ZNF536: variants seen among roughly 807,000 people sequenced by gnomAD.
ZNF536 encodes the protein zinc finger protein 536.
ZNF536 carries 13 observed loss-of-function variants against 84.5 expected under a neutral mutation model. The observed-to-expected ratio is 0.15, with a 90% CI of 0.10 to 0.24. ZNF536 has a LOEUF of 0.24. ZNF536 is among the 10% of genes least tolerant of loss of function. The pLI is 1.00. For synonymous variants in ZNF536, 811 were observed against 742.5 expected, an observed-to-expected ratio of 1.09 and a Z score of -1.50; for missense variants, 1,536 against 1,747.5, an observed-to-expected ratio of 0.88 and a Z score of 2.16.
At chr19:30,573,064 A>G (rs891083494) in intron 1 of ZNF536, among the ~76,000 whole-genome samples, 3 of 152,212 alleles carry the variant, frequency 2.0e-5, no homozygotes, top group African/African-American at 7.2e-5. Flanking sequence ...GAGAGGGTAC[A>G]GGAAAGACAA....
chr19:30,490,160 CT>C (rs3837960), intron 2 of ZNF536, among the ~76,000 whole-genome samples: 3,594 of 150,010 alleles, frequency 0.024, 97 homozygotes, highest in East Asian at 0.081. Context: ...CCATTGCTAA[CT>C]TTTTTTTTTA....
intron 1 of ZNF536, among the ~76,000 whole-genome samples, chr19:30,606,804 C>T: frequency 6.6e-6 from 1 of 152,136 alleles, no homozygotes. Flanking sequence ...AACGTTGCAG[C>T]TCAGCTTCCT....
chr19:30,259,815 C>G (rs1027933344), intron 1 of ZNF536, among the ~76,000 whole-genome samples: 1 of 151,990 alleles, frequency 6.6e-6, no homozygotes, highest in African/African-American at 2.4e-5. Context: ...TGCAGTGGTG[C>G]GATCTTGGCT....
At chr19:30,475,662 G>A (rs567655847) in intron 2 of ZNF536, among the ~76,000 whole-genome samples, 1 of 152,246 alleles carries the variant, frequency 6.6e-6, no homozygotes, top group Non-Finnish European at 1.5e-5. Context: ...AGAAACGGGG[G>A]TACAGCCACA....
At chr19:30,325,782 C>T (rs1418545495) in intron 2 of ZNF536, among the ~76,000 whole-genome samples, 2 of 152,192 alleles carry the variant, frequency 1.3e-5, no homozygotes, top group African/African-American at 2.4e-5. Context: ...GATGTCACTG[C>T]TGAGTACCTC....
chr19:30,679,272 C>T (rs1018914665), intron 1 of ZNF536, among the ~76,000 whole-genome samples: 6 of 152,222 alleles, frequency 3.9e-5, no homozygotes, highest in Non-Finnish European at 7.3e-5. Flanking sequence ...CCCTTAACCA[C>T]CGCTTCACAG....
At chr19:30,595,771 C>A (rs2047442067) in intron 1 of ZNF536, among the ~76,000 whole-genome samples, 1 of 152,204 alleles carries the variant, frequency 6.6e-6, no homozygotes, top group Non-Finnish European at 1.5e-5. Flanking sequence ...GGGCCTTTCC[C>A]TGACTTCCTG....
intron 1 of ZNF536, among the ~76,000 whole-genome samples, chr19:30,627,246 A>C (rs2048714010): frequency 6.6e-6 from 1 of 152,026 alleles, no homozygotes; most frequent in African/African-American, 2.4e-5. Flanking sequence ...CGAGAGGGTC[A>C]TCTGAGGTCA....
intron 2 of ZNF536, among the ~76,000 whole-genome samples, chr19:30,458,862 C>A (rs915777015): frequency 3.9e-5 from 6 of 152,306 alleles, no homozygotes; most frequent in Admixed American, 3.9e-4. Context: ...CGTGGGCCCC[C>A]CTTCCACCTC....
chr19:30,367,669 C>T (rs554231956), upstream of ZNF536, among the ~76,000 whole-genome samples: 2 of 152,194 alleles, frequency 1.3e-5, no homozygotes, highest in African/African-American at 4.8e-5. Flanking sequence ...TCACCTTTAG[C>T]CCCTGGGAAG....
intron 1 of ZNF536, among the ~76,000 whole-genome samples, chr19:30,381,658 A>AT (rs1386685032): frequency 6.6e-6 from 1 of 152,212 alleles, no homozygotes; most frequent in Non-Finnish European, 1.5e-5. Context: ...CCTTTGCACC[A>AT]TTGCAGGCTG....
chr19:30,709,751 A>C (rs766680401), intron 1 of ZNF536, among the ~76,000 whole-genome samples: 1 of 152,130 alleles, frequency 6.6e-6, no homozygotes, highest in Non-Finnish European at 1.5e-5. Context: ...AAGCCTCCTG[A>C]GTAGCTGGGA....
chr19:30,530,273 C>T (rs141921229), intron 2 of ZNF536, among the ~76,000 whole-genome samples: 39 of 152,350 alleles, frequency 2.6e-4, no homozygotes, highest in African/African-American at 7.7e-4. Context: ...AACCAATGCA[C>T]GAAAGGTTTA....
chr19:30,631,892 T>C (rs1045581740), intron 1 of ZNF536, among the ~76,000 whole-genome samples: 2 of 152,246 alleles, frequency 1.3e-5, no homozygotes, highest in African/African-American at 4.8e-5. Context: ...TTTCATTTTC[T>C]GAGCCACTGA....
chr19:30,234,873 A>G lies in ZNF536; in HGVS notation c.-190+6200A>G, dbSNP rs538839032. ...CAGAAATGCCCATTCAGCCTTAATT[A>G]TAATGATGGTCTGGCTTGCATTTCT... is the stretch of plus-strand genomic sequence containing the variant. On this transcript the variant is annotated intron_variant, in intron 1 of 5. Transcript: ENST00000585628. 2.6e-5 allele frequency among the ~76,000 whole-genome samples: 4 copies of G among 152,330 alleles called. No homozygotes were observed. The South Asian group carries it at 8.3e-4, about 32-fold the overall frequency.
rs1291337078 is a variant in ZNF536 at position 30,444,784 on chromosome 19, G to A, written c.1222G>A (p.Asp408Asn). 2 of 1,613,922 alleles carry A rather than the reference G, an allele frequency of 1.2e-6. No individual in the cohort carries two copies. The highest frequency in any genetic ancestry group is 1.7e-6 in the Non-Finnish European group (2 of 1,180,036). ...KLSVKNKSPS[D>N]PEVPVPMGGM... ...GTCGGTGAAGAACAAGTCCCCCAGC[G>A]ACCCCGAGGTGCCTGTGCCCATGGG... Residue 408 changes from aspartate (D) to asparagine (N), a missense_variant, in exon 2 of 5, where the codon GAC becomes AAC. Asp to Asn is a conservative substitution (Grantham distance 23). Around this residue, in one of 8 missense-constraint regions of ZNF536, gnomAD observed 366 missense variants for 364.4 expected, o/e 1.00. Coordinates refer to ENST00000355537, the MANE Select transcript of ZNF536 (RefSeq NM_014717.3).
rs533110049 is a variant in ZNF536, at chr19:30,232,693, G to T, written c.-190+4020G>T. Among the ~76,000 whole-genome samples, 248 of 152,230 alleles carry T rather than the reference G, an allele frequency of 1.6e-3. 1 individual carries two copies. Among genetic ancestry groups the T allele is most frequent in the African/African-American group, 5.7e-3 (237 of 41,520 alleles). On this transcript the variant is annotated intron_variant, in intron 1 of 5. Coordinates refer to the ZNF536 transcript ENST00000585628. ...CATGCTCTGAGCTTGCTCGAGGTGG[G>T]GTTTATTTTCCCTAAGAGACAAGAT...
chr19:30,423,121 G>GCATCCATCCATCCATGCATC lies in ZNF536; in HGVS notation c.-2-20425_-2-20424insGCATCCATCCATCCATCCAT, dbSNP rs1568413904. On this transcript the variant is annotated intron_variant, in intron 1 of 4. Transcript: ENST00000355537. ...CTCATCTACACATCCATCCATCCAT[G>GCATCCATCCATCCATGCATC]CATCCATCCATCCATCCATCCATCC... Among the ~76,000 whole-genome samples the GCATCCATCCATCCATGCATC allele has an allele frequency of 9.5e-4, 24 of 25,230 alleles. 1 individual carries two copies. Among genetic ancestry groups the GCATCCATCCATCCATGCATC allele is most frequent in the African/African-American group, 3.0e-3 (21 of 6,932 alleles). The allele number at this position is 25,230 out of a possible 152,430, so 16.6% of individuals were successfully genotyped here. A position where few individuals can be genotyped will look rare whatever the true frequency, so the allele number is the denominator to read the frequency against.
chr19:30,608,379 T>A (rs542700945), intron 1 of ZNF536, among the ~76,000 whole-genome samples: 1 of 152,126 alleles, frequency 6.6e-6, no homozygotes. Flanking sequence ...AGCAGGTGAA[T>A]GTTTTTCATG....
Sources: gnomAD v4.1 joint callset for allele counts (sites outside exome capture counted in the v4.1 genomes callset) on GRCh38, gnomAD v4.1.1 for gene constraint, gnomAD v4.1.1 regional missense constraint, MANE v1.5 for transcripts, NCBI Gene and HGNC (gene_info 2026-07-23, HGNC 2026-07-21) for gene names.